Variants in ROS1 observed in about 807,000 individuals in gnomAD.
ROS1 encodes the protein ROS proto-oncogene 1, receptor tyrosine kinase.
In ROS1, 263 loss-of-function variants were observed where a neutral mutation model predicts 273.5. That is an observed-to-expected ratio of 0.96 (90% CI 0.87 to 1.06). The LOEUF (loss-of-function observed/expected upper bound fraction) is 1.06. Ranked by LOEUF, ROS1 falls within the 50% of genes least tolerant of loss-of-function variation. The probability of loss-of-function intolerance (pLI) is 0.00; values close to 1 mark genes in which losing one functional copy is unlikely to be tolerated. For synonymous variants in ROS1, 1,008 were observed against 954.1 expected (o/e 1.06, Z -1.04); for missense variants, 2,833 against 2,751.1 (o/e 1.03, Z -0.67).
At chr6:117,424,452 T>C (rs1409817237) in intron 1 of ROS1, among the ~76,000 whole-genome samples, 5 of 151,908 alleles carry the variant, frequency 3.3e-5, no homozygotes, top group African/African-American at 1.2e-4. Flanking sequence ...ACTCTTATTA[T>C]AATTAGAAAA....
chr6:117,414,455 T>C (rs1775179096), intron 4 of ROS1, 64 bp downstream of exon 4: 1 of 720,342 alleles, frequency 1.4e-6, no homozygotes. Context: ...TTTTAAAAGC[T>C]TTTTAGAGAC....
In ROS1 at chr6:117,365,723, G is replaced by A; in HGVS notation, c.2816C>T (p.Pro939Leu). ...KPLPGNFSFT[P>L]KVIPDSVQES... ...TTGAACAGAATCTGGAATAACCTTA[G>A]GGGTAAAGGAAAAGTTCCCTACAGG... Residue 939 changes from proline (P) to leucine (L), a missense_variant, in exon 20 of 44, where the codon CCT (proline) becomes CTT (leucine). By Grantham distance (98) the Pro-to-Leu change is moderately conservative. Transcript: ENST00000368507. 1.0e-5 allele frequency: 16 copies of A among 1,578,546 alleles called. No homozygotes were observed. Among genetic ancestry groups the A allele is most frequent in the Non-Finnish European group, 1.4e-5 (16 of 1,168,290 alleles).
chr6:117,304,587 C>G (rs1161531696), intron 42 of ROS1, among the ~76,000 whole-genome samples: 1 of 152,128 alleles, frequency 6.6e-6, no homozygotes, highest in East Asian at 1.9e-4. Flanking sequence ...AAATTGTATG[C>G]CATTCTGAGT....
At chr6:117,376,224 G>T (rs905179288) in intron 18 of ROS1, among the ~76,000 whole-genome samples, 1 of 152,032 alleles carries the variant, frequency 6.6e-6, no homozygotes, top group African/African-American at 2.4e-5. Context: ...ACATTAAAAT[G>T]ATATTAAGAG....
chr6:117,295,491 A>G (rs1390816260), intron 43 of ROS1, among the ~76,000 whole-genome samples: 1 of 152,188 alleles, frequency 6.6e-6, no homozygotes, highest in Admixed American at 6.5e-5. Flanking sequence ...GACAAATGGG[A>G]TCACATCAAA....
In ROS1 at chr6:117,370,572, T is replaced by C. The variant is rs572624772; in HGVS notation, c.2583-4282A>G. Reference sequence around the variant, plus strand: ...AAACTATTAGTTAAATATTTTTAAATTATTGGATATTTAAACAAGTAGAAG... The same window carrying C: ...AAACTATTAGTTAAATATTTTTAAACTATTGGATATTTAAACAAGTAGAAG... On this transcript the variant is annotated intron_variant, in intron 18 of 43. Coordinates refer to ENST00000368507, the MANE Select transcript of ROS1 (RefSeq NM_001378902.1). Among the ~76,000 whole-genome samples, 3 of 152,268 alleles carry C rather than the reference T, an allele frequency of 2.0e-5. 1 individual carries two copies. The South Asian group carries it at 6.2e-4, about 32-fold the overall frequency.
chr6:117,385,906 A>G (rs762562249), intron 15 of ROS1, 45 bp from the exon 16 acceptor site: 1 of 1,513,796 alleles, frequency 6.6e-7, no homozygotes, highest in South Asian at 1.1e-5. Context: ...CATACATACC[A>G]ACAAAAACAT....
In ROS1 at chr6:117,356,865, T is replaced by A; in HGVS notation, c.3890A>T (p.Tyr1297Phe). Residue 1297 changes from tyrosine (Y) to phenylalanine (F), a missense_variant, in exon 26 of 44, where the codon TAC becomes TTC. Tyr to Phe is a conservative substitution (Grantham distance 22, BLOSUM62 3). Transcript: ENST00000368507. ...GTGCAAGGTGTGACTGATAATACTG[T>A]AGTAGAACATCTGGTAGCCAAAATT... ...VSNFGYQMFY[Y>F]SIISHTLHRI... 1 of 1,614,130 alleles carries A rather than the reference T, an allele frequency of 6.2e-7. No homozygotes were observed. The highest frequency in any genetic ancestry group is 8.5e-7 in the Non-Finnish European group (1 of 1,179,992).
chr6:117,352,275 TG>T (rs930601146), intron 27 of ROS1, among the ~76,000 whole-genome samples: 1 of 152,200 alleles, frequency 6.6e-6, no homozygotes, highest in Non-Finnish European at 1.5e-5. Context: ...TTTTTGTTTT[TG>T]TTTGTATGGT....
intron 18 of ROS1, 64 bp from the exon 19 acceptor site, chr6:117,366,354 G>A: frequency 1.8e-6 from 2 of 1,097,498 alleles, no homozygotes; most frequent in South Asian, 1.2e-5. Context: ...GTCCATGCAA[G>A]TAGTCATGAG....
Position 117,409,509 on chromosome 6 carries a change from C to T in ROS1, c.316+73G>A, listed in dbSNP as rs554667935. Reference sequence around the variant, plus strand: ...AATCAAGATGTTTTGAGAGGTGTTTCGTTATCTTTACATAAGTACAAGTCA... The same window carrying T: ...AATCAAGATGTTTTGAGAGGTGTTTTGTTATCTTTACATAAGTACAAGTCA... On this transcript the variant is annotated intron_variant, in intron 5 of 43. Transcript: ENST00000368507. The T allele has an allele frequency of 5.7e-5, 59 of 1,031,432 alleles. No individual in the cohort carries two copies. In the African/African-American group the frequency reaches 6.8e-4, roughly 12 times the overall value. 63.9% of individuals were successfully genotyped at this position (1,031,432 alleles called of 1,614,324 possible).
chr6:117,371,701 T>C (rs2128670998), intron 18 of ROS1, among the ~76,000 whole-genome samples: 1 of 152,310 alleles, frequency 6.6e-6, no homozygotes, highest in South Asian at 2.1e-4. Flanking sequence ...GGCAAGTTCT[T>C]AGTCCTACTC....
intron 42 of ROS1, among the ~76,000 whole-genome samples, chr6:117,306,003 C>A (rs1331082830): frequency 6.8e-6 from 1 of 147,770 alleles, no homozygotes; most frequent in African/African-American, 2.5e-5. Context: ...ACTCACCATG[C>A]AAACTCTTTA....
At chr6:117,295,913 TAAG>T (rs948703723) in intron 43 of ROS1, among the ~76,000 whole-genome samples, 2 of 152,184 alleles carry the variant, frequency 1.3e-5, no homozygotes, top group East Asian at 3.8e-4. Context: ...GTACAACCAC[TAAG>T]AAGAACAGTT....
At chr6:117,418,609 G>A (rs1279274779) in intron 1 of ROS1, 103 bp from the exon 2 acceptor site, 17 of 742,286 alleles carry the variant, frequency 2.3e-5, no homozygotes, top group African/African-American at 1.5e-4. Context: ...TGCCTCCTCC[G>A]CATTTTGTAA....
intron 7 of ROS1, among the ~76,000 whole-genome samples, chr6:117,402,040 T>C (rs1773989011): frequency 6.6e-6 from 1 of 152,156 alleles, no homozygotes; most frequent in African/African-American, 2.4e-5. Flanking sequence ...TCATTCTCCA[T>C]ACAGCAGCCA....
chr6:117,378,172 G>GT (rs1429008613), intron 18 of ROS1, among the ~76,000 whole-genome samples: 1 of 152,006 alleles, frequency 6.6e-6, no homozygotes, highest in Non-Finnish European at 1.5e-5. Flanking sequence ...CTACTCCTAG[G>GT]TATTTATCCA....
In ROS1 at chr6:117,425,937, A is replaced by T. The variant is rs1004384457; in HGVS notation, c.-281T>A. On this transcript the variant is annotated 5_prime_UTR_variant, in exon 1 of 44. Transcript: ENST00000368507. The stretch of plus-strand genomic sequence containing the variant: ...CCAGTGACTAAAGGTTAGTTCTTAG[A>T]AGTGCACTTCACATGGAAATTAAAG... 12 of 379,270 alleles carry T rather than the reference A, an allele frequency of 3.2e-5. No homozygotes were observed. Among genetic ancestry groups the T allele is most frequent in the Admixed American group, 1.0e-4 (2 of 19,584 alleles). The allele number at this position is 379,270 out of a possible 1,614,324, so 23.5% of individuals were successfully genotyped here. A position where few individuals can be genotyped will look rare whatever the true frequency, so the allele number is the denominator to read the frequency against.
chr6:117,387,940 G>A lies in ROS1; in HGVS notation c.1839C>T (p.Asp613=), dbSNP rs1178195749. The A allele has an allele frequency of 2.5e-6, 4 of 1,614,160 alleles. No homozygotes were observed. In the South Asian group the frequency reaches 4.4e-5, roughly 18 times the overall value. The change falls in exon 14 of 44, where the codon GAC becomes GAT. Residue 613 remains aspartate, a synonymous_variant. Transcript: ENST00000368507. ...WTYEVKVSTQ[D]PPEVTHIFLN... The stretch of plus-strand genomic sequence containing the variant: ...AGAAAATATGAGTGACTTCAGGAGG[G>A]TCTTGGGTGGATACTTTCACCTCAT...
Sources: gnomAD v4.1 joint callset for allele counts (sites outside exome capture counted in the v4.1 genomes callset) on GRCh38, gnomAD v4.1.1 for gene constraint, MANE v1.5 for transcripts, NCBI Gene and HGNC (gene_info 2026-07-23, HGNC 2026-07-21) for gene names.